HS6ST3: variants seen among roughly 807,000 people sequenced by gnomAD.
The protein encoded by HS6ST3 is heparan-sulfate 6-O-sulfotransferase 3.
HS6ST3 carries 12 observed loss-of-function variants against 36.7 expected under a neutral mutation model. The ratio of observed to expected loss-of-function variants is 0.33; its 90% CI spans 0.21 to 0.53. The LOEUF is 0.53. HS6ST3 is among the 20% of genes least tolerant of loss of function. The pLI, the probability that HS6ST3 is intolerant of heterozygous loss-of-function variation, is 0.95. For missense variants in HS6ST3, 584 were observed against 640.9 expected (o/e 0.91, Z 0.96); for synonymous variants, 240 against 257.5 (o/e 0.93, Z 0.65).
intron 1 of HS6ST3, among the ~76,000 whole-genome samples, chr13:96,588,516 A>G (rs2056370457): frequency 6.6e-6 from 1 of 152,210 alleles, no homozygotes; most frequent in African/African-American, 2.4e-5. Context: ...ACATTCTGTC[A>G]ATGTGATGTG....
At chr13:96,788,142 A>G (rs1301951618) in intron 1 of HS6ST3, among the ~76,000 whole-genome samples, 1 of 151,964 alleles carries the variant, frequency 6.6e-6, no homozygotes, top group East Asian at 1.9e-4. Flanking sequence ...CTTGGTTACT[A>G]TAGCTTATAG....
intron 1 of HS6ST3, among the ~76,000 whole-genome samples, chr13:96,514,277 T>C (rs1321181095): frequency 6.6e-6 from 1 of 152,190 alleles, no homozygotes; most frequent in Non-Finnish European, 1.5e-5. Flanking sequence ...TTGGGCTTTA[T>C]ATTGAAGGTG....
intron 1 of HS6ST3, among the ~76,000 whole-genome samples, chr13:96,309,281 C>T (rs190629075): frequency 6.6e-6 from 1 of 152,052 alleles, no homozygotes; most frequent in East Asian, 1.9e-4. Context: ...CTAAGCATAG[C>T]GCATAGGCAT....
intron 1 of HS6ST3, among the ~76,000 whole-genome samples, chr13:96,564,830 C>G (rs1042950282): frequency 2.3e-4 from 35 of 152,148 alleles, no homozygotes; most frequent in Admixed American, 2.3e-3. Context: ...TTAAAACACT[C>G]GTAGTAACTA....
chr13:96,616,553 C>A (rs2056475031), intron 1 of HS6ST3, among the ~76,000 whole-genome samples: 1 of 152,110 alleles, frequency 6.6e-6, no homozygotes, highest in African/African-American at 2.4e-5. Context: ...AACATTCTAA[C>A]CAGGGCCCAT....
At chr13:96,415,371 G>T (rs1054301045) in intron 1 of HS6ST3, among the ~76,000 whole-genome samples, 24 of 152,180 alleles carry the variant, frequency 1.6e-4, no homozygotes, top group Non-Finnish European at 2.9e-4. Context: ...CAACTCTAAA[G>T]CCTCTCACAG....
intron 1 of HS6ST3, among the ~76,000 whole-genome samples, chr13:96,127,905 G>C (rs968840236): frequency 1.3e-5 from 2 of 152,234 alleles, no homozygotes; most frequent in African/African-American, 4.8e-5. Context: ...AGTAGGAAGA[G>C]GTAACAGCTA....
At chr13:96,609,849 G>A (rs182720915) in intron 1 of HS6ST3, among the ~76,000 whole-genome samples, 2 of 152,308 alleles carry the variant, frequency 1.3e-5, no homozygotes, top group East Asian at 3.9e-4. Flanking sequence ...AATATTTGAT[G>A]ATGGAAAAGG....
chr13:96,329,394 T>C (rs1254316983), intron 1 of HS6ST3, among the ~76,000 whole-genome samples: 153 of 117,318 alleles, frequency 1.3e-3, no homozygotes, highest in African/African-American at 2.0e-3. Flanking sequence ...TTTGTTCTCA[T>C]TGGTTTCAAA....
At chr13:96,227,983 G>A (rs1254305790) in intron 1 of HS6ST3, among the ~76,000 whole-genome samples, 1 of 152,116 alleles carries the variant, frequency 6.6e-6, no homozygotes, top group Admixed American at 6.5e-5. Flanking sequence ...ATGGGAATAG[G>A]AGAGGTATGT....
chr13:96,349,491 A>G (rs1219912530), intron 1 of HS6ST3, among the ~76,000 whole-genome samples: 1 of 152,188 alleles, frequency 6.6e-6, no homozygotes, highest in African/African-American at 2.4e-5. Flanking sequence ...GAATGTCACA[A>G]CACCTTCTGA....
intron 1 of HS6ST3, among the ~76,000 whole-genome samples, chr13:96,691,043 G>A (rs1874942232): frequency 6.6e-6 from 1 of 152,076 alleles, no homozygotes; most frequent in Non-Finnish European, 1.5e-5. Context: ...TCTGCACAAT[G>A]GCAAATATTA....
chr13:96,414,348 T>C (rs2139464039), intron 1 of HS6ST3, among the ~76,000 whole-genome samples: 1 of 152,378 alleles, frequency 6.6e-6, no homozygotes, highest in East Asian at 1.9e-4. Flanking sequence ...TGAAGGGTTC[T>C]TAATATCATT....
intron 1 of HS6ST3, among the ~76,000 whole-genome samples, chr13:96,287,095 C>T (rs1026061857): frequency 1.3e-5 from 2 of 152,120 alleles, no homozygotes; most frequent in Non-Finnish European, 2.9e-5. Flanking sequence ...TCTTTGTCAC[C>T]AAGGCACAAT....
At chr13:96,490,418 G>C (rs566024213) in intron 1 of HS6ST3, among the ~76,000 whole-genome samples, 7 of 152,014 alleles carry the variant, frequency 4.6e-5, no homozygotes, top group Admixed American at 4.6e-4. Flanking sequence ...GTATTTTTAA[G>C]GTTCATAAAT....
intron 1 of HS6ST3, among the ~76,000 whole-genome samples, chr13:96,267,490 C>A (rs2054698116): frequency 6.6e-6 from 1 of 151,990 alleles, no homozygotes; most frequent in African/African-American, 2.4e-5. Context: ...TTCTACTTTT[C>A]CTCAGTGGGA....
intron 1 of HS6ST3, among the ~76,000 whole-genome samples, chr13:96,123,314 A>C (rs1452347471): frequency 6.6e-6 from 1 of 152,204 alleles, no homozygotes; most frequent in Non-Finnish European, 1.5e-5. Context: ...AGTATTCTTA[A>C]ATAATGGAGG....
chr13:96,146,299 T>C (rs911607066), intron 1 of HS6ST3, among the ~76,000 whole-genome samples: 16 of 152,140 alleles, frequency 1.1e-4, no homozygotes, highest in African/African-American at 3.4e-4. Context: ...ATGGAATGTT[T>C]TTCCGTTTGT....
At chr13:96,328,750 G>A (rs1329574206) in intron 1 of HS6ST3, among the ~76,000 whole-genome samples, 3 of 152,192 alleles carry the variant, frequency 2.0e-5, no homozygotes, top group African/African-American at 4.8e-5. Flanking sequence ...AGTTTCAGAC[G>A]GAATGGTACC....
Sources: gnomAD v4.1 joint callset for allele counts (sites outside exome capture counted in the v4.1 genomes callset) on GRCh38, gnomAD v4.1.1 for gene constraint, MANE v1.5 for transcripts, NCBI Gene and HGNC (gene_info 2026-07-23, HGNC 2026-07-21) for gene names.